The following NELL2 variants were observed in gnomAD, a reference collection of about 807,000 sequenced individuals.
NELL2 encodes neural EGFL like 2.
NELL2 carries 41 observed loss-of-function variants against 109.6 expected under a neutral mutation model. That is an observed-to-expected ratio of 0.37 (90% CI 0.29 to 0.49). The LOEUF is 0.49. Ranked by LOEUF, NELL2 falls within the 20% of genes least tolerant of loss-of-function variation. The pLI, the probability that NELL2 is intolerant of heterozygous loss-of-function variation, is 0.98. For missense variants in NELL2, 900 were observed against 1,008.3 expected (o/e 0.89, Z 1.45); for synonymous variants, 355 against 344.7 (o/e 1.03, Z -0.33).
Position 44,876,290 on chromosome 12 carries a change from G to C in NELL2, c.-421C>G. 2 of 1,153,330 alleles carry C rather than the reference G, an allele frequency of 1.7e-6. No homozygotes were observed. The highest frequency in any genetic ancestry group is 1.1e-6 in the Non-Finnish European group (1 of 935,708). 71.4% of individuals were successfully genotyped at this position (1,153,330 alleles called of 1,614,324 possible). On this transcript the variant is annotated 5_prime_UTR_variant, in exon 1 of 20. Coordinates refer to ENST00000429094, the MANE Select transcript of NELL2 (RefSeq NM_001145108.2). ...CACCCCCCCGTCTTCCCCGCCGCCC[G>C]AACCTGTTGTAAAGGCAGAGACAAT...
At chr12:44,739,149 G>C (rs923437554) in intron 9 of NELL2, among the ~76,000 whole-genome samples, 2 of 152,024 alleles carry the variant, frequency 1.3e-5, no homozygotes, top group African/African-American at 4.8e-5. Context: ...AGTCCCAAGG[G>C]TTGCCTCTCA....
chr12:44,532,830 T>C (rs934981423), intron 15 of NELL2, 109 bp from the exon 16 acceptor site: 12 of 958,404 alleles, frequency 1.3e-5, no homozygotes, highest in African/African-American at 1.7e-5. Context: ...TCCTTGAAAC[T>C]GGGAAAATAT....
intron 3 of NELL2, among the ~76,000 whole-genome samples, chr12:44,809,871 C>CA (rs1420126385): frequency 1.3e-5 from 2 of 151,864 alleles, no homozygotes; most frequent in Non-Finnish European, 2.9e-5. Context: ...ATGTCCAAAC[C>CA]AAAAAAATTG....
chr12:44,569,490 A>C (rs1358307890), intron 15 of NELL2, among the ~76,000 whole-genome samples: 1 of 152,176 alleles, frequency 6.6e-6, no homozygotes, highest in Non-Finnish European at 1.5e-5. Context: ...ACTAATTTAC[A>C]CTTCCACCAA....
intron 12 of NELL2, among the ~76,000 whole-genome samples, chr12:44,702,457 T>A (rs983861172): frequency 6.6e-6 from 1 of 152,164 alleles, no homozygotes; most frequent in African/African-American, 2.4e-5. Flanking sequence ...AATAATCATA[T>A]AAGTAAAATT....
At chr12:44,680,355 T>C (rs1319357711) in intron 12 of NELL2, among the ~76,000 whole-genome samples, 1 of 152,184 alleles carries the variant, frequency 6.6e-6, no homozygotes, top group Non-Finnish European at 1.5e-5. Context: ...CAAACATATA[T>C]GTTCCACAAT....
At chr12:44,760,132 T>A (rs1941060581) in intron 9 of NELL2, among the ~76,000 whole-genome samples, 1 of 152,190 alleles carries the variant, frequency 6.6e-6, no homozygotes, top group Non-Finnish European at 1.5e-5. Flanking sequence ...TTCATTTCCT[T>A]ATCACTTAAG....
intron 15 of NELL2, among the ~76,000 whole-genome samples, chr12:44,549,605 C>T (rs2136163237): frequency 6.6e-6 from 1 of 152,218 alleles, no homozygotes; most frequent in Admixed American, 6.5e-5. Context: ...AAATCAGTTG[C>T]ATTTCTATAC....
At chr12:44,712,180 T>A (rs1938239747) in intron 10 of NELL2, among the ~76,000 whole-genome samples, 1 of 152,084 alleles carries the variant, frequency 6.6e-6, no homozygotes, top group Non-Finnish European at 1.5e-5. Context: ...CATAAGTAAT[T>A]AAATAACTCT....
chr12:44,688,133 T>A (rs2136389461), intron 12 of NELL2, among the ~76,000 whole-genome samples: 1 of 152,286 alleles, frequency 6.6e-6, no homozygotes, highest in East Asian at 1.9e-4. Context: ...GAGAACAAAT[T>A]ACACATATTC....
Position 44,587,305 on chromosome 12 carries a change from A to ATT in NELL2, c.1663+19863_1663+19864insAA, listed in dbSNP as rs1469511714. Among the ~76,000 whole-genome samples, 342 of 118,080 alleles carry ATT rather than the reference A, an allele frequency of 2.9e-3. 2 individuals carry two copies. The highest frequency in any genetic ancestry group is 4.5e-3 in the Non-Finnish European group (269 of 59,938). The allele number at this position is 118,080 out of a possible 152,430, so 77.5% of individuals were successfully genotyped here. A position where few individuals can be genotyped will look rare whatever the true frequency, so the allele number is the denominator to read the frequency against. On this transcript the variant is annotated intron_variant, in intron 15 of 19. Coordinates refer to ENST00000429094, the MANE Select transcript of NELL2 (RefSeq NM_001145108.2). Reference sequence around the variant, plus strand: ...AAAAAATATATATATATATATATATATATTTTTTTTTAAATATGAAGTTAT... The same window carrying ATT: ...AAAAAATATATATATATATATATATATTTATTTTTTTTTAAATATGAAGTTAT...
chr12:44,775,228 CACACACACAT>C (rs1941707660), intron 8 of NELL2, among the ~76,000 whole-genome samples: 2 of 148,552 alleles, frequency 1.3e-5, no homozygotes, highest in Admixed American at 1.3e-4. Context: ...TGCACGCACG[CACACACACAT>C]GCATGTGCGT....
intron 16 of NELL2, among the ~76,000 whole-genome samples, chr12:44,525,300 C>T (rs989240880): frequency 4.6e-4 from 70 of 152,076 alleles, no homozygotes; most frequent in Non-Finnish European, 6.9e-4. Flanking sequence ...AGGCACAAGA[C>T]GAATATGTAT....
chr12:44,753,179 C>A (rs962447993), intron 9 of NELL2, among the ~76,000 whole-genome samples: 8 of 152,136 alleles, frequency 5.3e-5, no homozygotes, highest in African/African-American at 1.9e-4. Context: ...ACCACAGCAC[C>A]CTGTCCCTAT....
At chr12:44,894,652 T>G (rs991245381) in intron 1 of NELL2, among the ~76,000 whole-genome samples, 1 of 152,224 alleles carries the variant, frequency 6.6e-6, no homozygotes, top group Non-Finnish European at 1.5e-5. Context: ...CTCACAGATG[T>G]GCAATGTCAA....
intron 1 of NELL2, among the ~76,000 whole-genome samples, chr12:44,904,564 A>G (rs1021468081): frequency 2.0e-5 from 3 of 152,138 alleles, no homozygotes; most frequent in Non-Finnish European, 2.9e-5. Flanking sequence ...GAGTCCCTGA[A>G]TGACGGTGAA....
chr12:44,543,181 T>C (rs1368991852), intron 15 of NELL2, among the ~76,000 whole-genome samples: 1 of 152,192 alleles, frequency 6.6e-6, no homozygotes, highest in African/African-American at 2.4e-5. Context: ...AATTTCTCCT[T>C]CTGAAGTCTC....
intron 13 of NELL2, among the ~76,000 whole-genome samples, chr12:44,620,981 C>A (rs548676402): frequency 1.3e-5 from 2 of 152,298 alleles, no homozygotes; most frequent in African/African-American, 4.8e-5. Context: ...ATTGGTGGCA[C>A]ACCATTGTTT....
At chr12:44,596,385 C>T (rs868510490) in intron 15 of NELL2, among the ~76,000 whole-genome samples, 7 of 152,256 alleles carry the variant, frequency 4.6e-5, no homozygotes, top group Middle Eastern at 3.4e-3. Context: ...CTTTTCTATT[C>T]CATTTTACTG....
Sources: allele counts gnomAD v4.1 joint callset (sites outside exome capture counted in the v4.1 genomes callset), GRCh38; gene constraint gnomAD v4.1.1; transcripts MANE v1.5; gene names NCBI Gene and HGNC (gene_info 2026-07-23, HGNC 2026-07-21).